Variants in CACNA1E observed in about 807,000 individuals in gnomAD.
The protein encoded by CACNA1E is calcium voltage-gated channel subunit alpha1 E.
In CACNA1E, 40 loss-of-function variants were observed where a neutral mutation model predicts 259.2. The ratio of observed to expected loss-of-function variants is 0.15; its 90% CI spans 0.12 to 0.20. CACNA1E has a LOEUF of 0.20. CACNA1E is among the 10% of genes least tolerant of loss of function. The probability of loss-of-function intolerance (pLI) is 1.00; values close to 1 mark genes in which losing one functional copy is unlikely to be tolerated. For synonymous variants in CACNA1E, 1,104 were observed against 1,138.5 expected (o/e 0.97, Z 0.61); for missense variants, 1,874 against 3,040.1 (o/e 0.62, Z 9.02).
chr1:181,670,760 C>T (rs533625938), intron 7 of CACNA1E, among the ~76,000 whole-genome samples: 2 of 152,178 alleles, frequency 1.3e-5, no homozygotes, highest in Non-Finnish European at 2.9e-5. Flanking sequence ...CCCATGCCCC[C>T]ACCCCACTAC....
At chr1:181,452,195 C>A (rs1661199276) in intron 2 of CACNA1E, among the ~76,000 whole-genome samples, 1 of 152,134 alleles carries the variant, frequency 6.6e-6, no homozygotes, top group Admixed American at 6.5e-5. Flanking sequence ...TTTTGAGTTC[C>A]CTTTAAAGGC....
At chr1:181,400,726 G>GCT (rs1557972965) in intron 1 of CACNA1E, among the ~76,000 whole-genome samples, 1 of 151,826 alleles carries the variant, frequency 6.6e-6, no homozygotes, top group Non-Finnish European at 1.5e-5. Context: ...GCCATCACGG[G>GCT]CTCTCTCTCT....
In CACNA1E at chr1:181,798,407, A is replaced by G. The variant is rs74695054; in HGVS notation, c.6515A>G (p.Tyr2172Cys). 948 of 1,613,232 alleles carry G rather than the reference A, an allele frequency of 5.9e-4. 1 individual carries two copies. The African/African-American group carries it at 0.01, about 17-fold the overall frequency. The change falls in exon 48 of 48, where the codon TAC becomes TGC. Residue 2172 changes from tyrosine to cysteine, a missense_variant. Around this residue, in one of 14 missense-constraint regions of CACNA1E, gnomAD observed 542 missense variants for 587.2 expected, o/e 0.92. Coordinates refer to ENST00000367573, the MANE Select transcript of CACNA1E (RefSeq NM_001205293.3). This position sits in a 1 kb window ranked among gnomAD's most constrained non-coding sequence, Gnocchi z 4.2. ...CCAAAGCCCCGGCCCCTCCTTTCCTACAGCTCCCTGATTCGACACGCGGGC... is the reference window on the plus strand; with the variant it reads ...CCAAAGCCCCGGCCCCTCCTTTCCTGCAGCTCCCTGATTCGACACGCGGGC... The part of the protein sequence containing the change: ...VPPKPRPLLS[Y>C]SSLIRHAGSI...
intron 3 of CACNA1E, among the ~76,000 whole-genome samples, chr1:181,570,462 G>C (rs559204670): frequency 1.3e-5 from 2 of 152,268 alleles, no homozygotes; most frequent in South Asian, 4.1e-4. Flanking sequence ...GTTTCCTATA[G>C]CTTCTGTAAC....
intron 1 of CACNA1E, among the ~76,000 whole-genome samples, chr1:181,366,184 T>C (rs1654253328): frequency 6.6e-6 from 1 of 152,140 alleles, no homozygotes; most frequent in Non-Finnish European, 1.5e-5. Flanking sequence ...TCTGACACCT[T>C]CCATTTTAGG....
chr1:181,369,446 A>G (rs915144150), intron 1 of CACNA1E, among the ~76,000 whole-genome samples: 4 of 152,226 alleles, frequency 2.6e-5, no homozygotes, highest in African/African-American at 9.6e-5. Flanking sequence ...TAACTAAGGG[A>G]CTTGTGAAGC....
chr1:181,389,176 C>T (rs1041491053), intron 1 of CACNA1E, among the ~76,000 whole-genome samples: 1 of 151,888 alleles, frequency 6.6e-6, no homozygotes, highest in Non-Finnish European at 1.5e-5. Context: ...GTATTTTCTC[C>T]GTGAGGCACA....
intron 6 of CACNA1E, among the ~76,000 whole-genome samples, chr1:181,587,517 A>C (rs1278578642): frequency 6.6e-6 from 1 of 152,222 alleles, no homozygotes; most frequent in South Asian, 2.1e-4. Context: ...TTTGAGCTGG[A>C]TAAAGAGCAA....
chr1:181,796,785 C>A lies in CACNA1E; in HGVS notation c.6326C>A (p.Ala2109Asp), dbSNP rs971831146. Residue 2109 changes from alanine to aspartate, a missense_variant, in exon 47 of 48, where the codon GCT becomes GAT. Physicochemically the swap from Ala to Asp is moderately radical, Grantham distance 126. This residue lies in a region of CACNA1E where 542 missense variants were observed against 587.2 expected (regional missense o/e 0.92). Coordinates refer to ENST00000367573, the MANE Select transcript of CACNA1E (RefSeq NM_001205293.3). ...AATTCAGAAGAGCGAGGGACCCAGG[C>A]TGACTGGGAGTCCCCAGAGCGCCGT... ...RCNSEERGTQ[A>D]DWESPERRQS... The A allele has an allele frequency of 3.1e-6, 5 of 1,612,140 alleles. No homozygotes were observed. Among genetic ancestry groups the A allele is most frequent in the Non-Finnish European group, 4.2e-6 (5 of 1,179,148 alleles).
At chr1:181,688,194 A>T (rs1650779926) in intron 7 of CACNA1E, among the ~76,000 whole-genome samples, 1 of 152,166 alleles carries the variant, frequency 6.6e-6, no homozygotes, top group Non-Finnish European at 1.5e-5. Flanking sequence ...CCTCCCACTC[A>T]AGGGTAGTAT....
intron 6 of CACNA1E, among the ~76,000 whole-genome samples, chr1:181,591,638 G>C (rs1652653699): frequency 6.6e-6 from 1 of 152,060 alleles, no homozygotes; most frequent in Non-Finnish European, 1.5e-5. Context: ...TGGATGTTCT[G>C]ATAAAAGTTT....
chr1:181,740,410 T>C (rs891092423), intron 25 of CACNA1E, among the ~76,000 whole-genome samples: 4 of 152,178 alleles, frequency 2.6e-5, no homozygotes, highest in African/African-American at 7.2e-5. Flanking sequence ...CTGACAGTGC[T>C]TCTCCCCAAG....
At chr1:181,748,285 C>G (rs1014311103) in intron 25 of CACNA1E, among the ~76,000 whole-genome samples, 1 of 152,160 alleles carries the variant, frequency 6.6e-6, no homozygotes, top group Non-Finnish European at 1.5e-5. Flanking sequence ...TTTTCCAAAA[C>G]AAGAGACAAT....
chr1:181,404,515 G>A (rs972108307), intron 1 of CACNA1E, among the ~76,000 whole-genome samples: 7 of 152,112 alleles, frequency 4.6e-5, no homozygotes, highest in Admixed American at 2.6e-4. Context: ...TAATCATGTC[G>A]TAAAATATGT....
At chr1:181,611,783 G>A (rs776131519) in intron 6 of CACNA1E, among the ~76,000 whole-genome samples, 1 of 152,186 alleles carries the variant, frequency 6.6e-6, no homozygotes, top group Non-Finnish European at 1.5e-5. Context: ...AATATTGAAA[G>A]ACCCTATGGT....
At chr1:181,579,462 G>A (rs1201288353) in intron 5 of CACNA1E, among the ~76,000 whole-genome samples, 2 of 152,076 alleles carry the variant, frequency 1.3e-5, no homozygotes, top group Non-Finnish European at 2.9e-5. Flanking sequence ...GATGGTCTTG[G>A]CTCCCCTATC....
At chr1:181,484,068 G>C in intron 1 of CACNA1E, 58 bp downstream of exon 1, 1 of 1,535,820 alleles carries the variant, frequency 6.5e-7, no homozygotes, top group Admixed American at 1.7e-5. Context: ...TCGGGTGAAG[G>C]GGGGTACCTA....
chr1:181,589,536 T>C (rs1190069113), intron 6 of CACNA1E, among the ~76,000 whole-genome samples: 1 of 151,670 alleles, frequency 6.6e-6, no homozygotes, highest in Non-Finnish European at 1.5e-5. Context: ...TCTGGGAGGA[T>C]TGAGGAGAGA....
Position 181,485,712 on chromosome 1 carries a change from G to A in CACNA1E, c.266+1702G>A, listed in dbSNP as rs1030553474. Among the ~76,000 whole-genome samples, 2 of 152,210 alleles carry A rather than the reference G, an allele frequency of 1.3e-5. No individual in the cohort carries two copies. Among genetic ancestry groups the A allele is most frequent in the African/African-American group, 4.8e-5 (2 of 41,442 alleles). ...TGCTGCGGCTGCAAATATTCCTCTA[G>A]GCAGTCTACGGATTTCCCAGCTGGG... On this transcript the variant is annotated intron_variant, in intron 1 of 47. Transcript: ENST00000367573. This position sits in a 1 kb window ranked among gnomAD's most constrained non-coding sequence, Gnocchi z 4.2.
Sources: allele counts gnomAD v4.1 joint callset (sites outside exome capture counted in the v4.1 genomes callset), GRCh38; gene constraint gnomAD v4.1.1; regional missense constraint gnomAD v4.1.1; non-coding constraint Gnocchi (gnomAD v3.1); transcripts MANE v1.5; gene names NCBI Gene and HGNC (gene_info 2026-07-23, HGNC 2026-07-21).